PSG5: variants seen among roughly 807,000 people sequenced by gnomAD.
The protein encoded by PSG5 is pregnancy-specific beta-1-glycoprotein 5.
Under a neutral mutation model 37.7 loss-of-function variants are expected in PSG5, and 53 were observed. The ratio of observed to expected loss-of-function variants is 1.41; its 90% CI spans 1.13 to 1.77. The LOEUF (loss-of-function observed/expected upper bound fraction) is 1.77, where lower values mean the gene tolerates loss of function less well. Among genes scored for constraint, PSG5 ranks in the 40% most tolerant of loss-of-function variants. The pLI is 0.00. For missense variants in PSG5, 547 were observed against 405.2 expected, an observed-to-expected ratio of 1.35 and a Z score of -3.00; for synonymous variants, 221 against 155.4, an observed-to-expected ratio of 1.42 and a Z score of -3.14.
Position 43,183,167 on chromosome 19 carries a change from G to A in PSG5, c.430+1615C>T, listed in dbSNP as rs554771129. ...AGACACTGACTTCAGAGACCCCAGG[G>A]ACCAGCTGCCCCCAGTTCCACAGTC... On this transcript the variant is annotated intron_variant, in intron 2 of 5. Transcript: ENST00000342951. 5.0e-4 allele frequency: 134 copies of A among 267,390 alleles called. 2 individuals are homozygous for A. Among genetic ancestry groups the A allele is most frequent in the African/African-American group, 3.1e-3 (130 of 42,614 alleles). The allele number at this position is 267,390 out of a possible 1,614,324, so 16.6% of individuals were successfully genotyped here.
At chr19:43,171,905 A>G (rs1046153174) in intron 4 of PSG5, among the ~76,000 whole-genome samples, 6 of 150,594 alleles carry the variant, frequency 4.0e-5, no homozygotes, top group Non-Finnish European at 5.9e-5. Context: ...CCAGGAGGTT[A>G]AGGCTGCAGT....
Position 43,176,907 on chromosome 19 carries a change from C to A in PSG5, c.431-759G>T, listed in dbSNP as rs548566885. Among the ~76,000 whole-genome samples, 192 of 151,478 alleles carry A rather than the reference C, an allele frequency of 1.3e-3. 7 individuals carry two copies. The highest frequency in any genetic ancestry group is 4.4e-3 in the African/African-American group (183 of 41,124). On this transcript the variant is annotated intron_variant, in intron 2 of 5. Coordinates refer to ENST00000342951, the MANE Select transcript of PSG5 (RefSeq NM_002781.4). ...TGGGTTCTTTAAGTTTCCTCTCCTTCTGCAGAGGGCAGGTGAGGACCATGT... is the reference window on the plus strand; with the variant it reads ...TGGGTTCTTTAAGTTTCCTCTCCTTATGCAGAGGGCAGGTGAGGACCATGT...
chr19:43,182,205 C>A (rs1390474694), intron 2 of PSG5, among the ~76,000 whole-genome samples: 3 of 151,694 alleles, frequency 2.0e-5, no homozygotes, highest in Non-Finnish European at 4.4e-5. Context: ...TGGCCTTTGT[C>A]AAACTAGTGA....
At chr19:43,176,246 A>G in intron 2 of PSG5, 98 bp from the exon 3 acceptor site, 1 of 1,545,722 alleles carries the variant, frequency 6.5e-7, no homozygotes, top group African/African-American at 1.4e-5. Flanking sequence ...CTGTCAACCC[A>G]CCAGAGTCCT....
chr19:43,173,205 C>T lies in PSG5; in HGVS notation c.964+2010G>A, dbSNP rs8104869. Among the ~76,000 whole-genome samples, 610 of 151,694 alleles carry T rather than the reference C, an allele frequency of 4.0e-3. 14 individuals are homozygous for T. Among genetic ancestry groups the T allele is most frequent in the African/African-American group, 0.014 (589 of 41,264 alleles). On this transcript the variant is annotated intron_variant, in intron 4 of 5. Coordinates refer to ENST00000342951, the MANE Select transcript of PSG5 (RefSeq NM_002781.4). ...AGTGGAACCTTTACCTAACACCATG[C>T]ATAAAAATTAACCCACAATAGATCA...
chr19:43,184,935 G>T lies in PSG5; in HGVS notation c.277C>A (p.Pro93Thr). 2 of 1,612,472 alleles carry T rather than the reference G, an allele frequency of 1.2e-6. No individual in the cohort carries two copies. The highest frequency in any genetic ancestry group is 1.7e-6 in the Non-Finnish European group (2 of 1,179,130). ...ACTGTTTCTCGTCCAGTGTATGCAG[G>T]CCCATATATATTTATTTGACCGTCT... ...VVDGQINIYG[P>T]AYTGRETVYS... Residue 93 changes from proline (P) to threonine (T), a missense_variant, in exon 2 of 6, where the codon CCT becomes ACT. Transcript: ENST00000342951.
intron 3 of PSG5, 178 bp from the exon 4 acceptor site, chr19:43,175,647 C>G: frequency 7.2e-7 from 1 of 1,389,180 alleles, no homozygotes; most frequent in Non-Finnish European, 9.7e-7. Context: ...CCATCACAAG[C>G]TATTGACACA....
chr19:43,178,205 A>G lies in PSG5; in HGVS notation c.431-2057T>C, dbSNP rs1384062976. Among the ~76,000 whole-genome samples the G allele has an allele frequency of 5.9e-5, 9 of 151,714 alleles. No homozygotes were observed. In the East Asian group the frequency reaches 9.7e-4, roughly 16 times the overall value. On this transcript the variant is annotated intron_variant, in intron 2 of 5. Coordinates refer to ENST00000342951, the MANE Select transcript of PSG5 (RefSeq NM_002781.4). The stretch of plus-strand genomic sequence containing the variant: ...GACTTCACTGGAAAACATATTGCCA[A>G]TGCTCCAGGGATCCACTTACCAGGG...
chr19:43,179,694 T>A (rs1002312697), intron 2 of PSG5, among the ~76,000 whole-genome samples: 9 of 151,270 alleles, frequency 5.9e-5, no homozygotes, highest in African/African-American at 2.2e-4. Flanking sequence ...GAGACCAGAG[T>A]CAAGCCTGGA....
rs558094693 is a variant in PSG5 at position 43,171,888 on chromosome 19, C to T, written c.965-1750G>A. On this transcript the variant is annotated intron_variant, in intron 4 of 5. Coordinates refer to ENST00000342951, the MANE Select transcript of PSG5 (RefSeq NM_002781.4). Reference sequence around the variant, plus strand: ...TTGGGAGGCTGAAGAAGGAGAATTGCTTGAGCCCAGGAGGTTAAGGCTGCA... The same window carrying T: ...TTGGGAGGCTGAAGAAGGAGAATTGTTTGAGCCCAGGAGGTTAAGGCTGCA... Among the ~76,000 whole-genome samples, 7 of 149,794 alleles carry T rather than the reference C, an allele frequency of 4.7e-5. No individual in the cohort carries two copies. In the South Asian group the frequency reaches 8.4e-4, roughly 18 times the overall value.
chr19:43,179,206 C>T (rs765560614), intron 2 of PSG5: 10 of 1,524,844 alleles, frequency 6.6e-6, no homozygotes, highest in Non-Finnish European at 8.1e-6. Flanking sequence ...CCTTTGATTC[C>T]TCCAAAGGCA....
rs181565926 is a variant in PSG5 at position 43,182,596 on chromosome 19, C to T, written c.430+2186G>A. ...GAAACTATCCTTGAAAATCTCTAAC[C>T]CCTGATCCACTGGGGAGGCTGATTT... is the stretch of plus-strand genomic sequence containing the variant. On this transcript the variant is annotated intron_variant, in intron 2 of 5. Coordinates refer to ENST00000342951, the MANE Select transcript of PSG5 (RefSeq NM_002781.4). Among the ~76,000 whole-genome samples, 240 of 150,744 alleles carry T rather than the reference C, an allele frequency of 1.6e-3. 5 individuals carry two copies. Among genetic ancestry groups the T allele is most frequent in the African/African-American group, 5.5e-3 (226 of 40,810 alleles).
intron 4 of PSG5, chr19:43,170,544 C>G (rs1213529275): frequency 2.4e-6 from 1 of 417,568 alleles, no homozygotes; most frequent in Non-Finnish European, 4.7e-6. Flanking sequence ...ACAGAAGGCC[C>G]ACGTCCGTGC....
chr19:43,171,568 T>C (rs1968905771), intron 4 of PSG5: 3 of 421,228 alleles, frequency 7.1e-6, no homozygotes, highest in African/African-American at 2.1e-5. Context: ...ATAGAGGAAA[T>C]TAATGAAACC....
At chr19:43,174,736 G>C (rs1382541214) in intron 4 of PSG5, 1 of 1,082,542 alleles carries the variant, frequency 9.2e-7, no homozygotes, top group African/African-American at 1.6e-5. Flanking sequence ...GCATGGAGCA[G>C]AGCAGGAAGC....
intron 2 of PSG5, 93 bp from the exon 3 acceptor site, chr19:43,176,241 A>G (rs1180599947): frequency 1.1e-5 from 17 of 1,556,158 alleles, no homozygotes; most frequent in Non-Finnish European, 1.5e-5. Context: ...CCCACCTGTC[A>G]ACCCACCAGA....
Position 43,175,934 on chromosome 19 carries a change from A to C in PSG5, c.645T>G (p.Tyr215Ter). Residue 215 changes from tyrosine to a stop codon, truncating the protein, a stop_gained, in exon 3 of 6, where the codon TAT (tyrosine) becomes TAG (stop). Coordinates refer to ENST00000342951, the MANE Select transcript of PSG5 (RefSeq NM_002781.4). LOFTEE classifies it high-confidence loss of function. ...PSVTRNETGP[Y>*]ECEIRDRDGG... ...CATCTCGGTCCCGTATTTCACATTC[A>C]TAGGGTCCTGTTTCATTTCTCGTGA... 2.5e-6 allele frequency: 4 copies of C among 1,612,474 alleles called. No homozygotes were observed. The highest frequency in any genetic ancestry group is 3.4e-6 in the Non-Finnish European group (4 of 1,179,168).
Position 43,167,952 on chromosome 19 carries a change from A to G in PSG5, c.*292T>C. On this transcript the variant is annotated 3_prime_UTR_variant, in exon 6 of 6. Transcript: ENST00000342951. ...GCACATTTTCAAATAGAAAATTATG[A>G]AAACATTATGCTTTTGATTATTTAG... 1 of 396,518 alleles carries G rather than the reference A, an allele frequency of 2.5e-6. No individual in the cohort carries two copies. Among genetic ancestry groups the G allele is most frequent in the Non-Finnish European group, 4.6e-6 (1 of 215,112 alleles). The allele number at this position is 396,518 out of a possible 1,614,324, so 24.6% of individuals were successfully genotyped here. A position where few individuals can be genotyped will look rare whatever the true frequency, so the allele number is the denominator to read the frequency against.
At position 43,175,440 on chromosome 19, in the gene PSG5, A is replaced by G; in HGVS notation, c.739T>C (p.Ser247Pro). The G allele has an allele frequency of 6.2e-7, 1 of 1,612,192 alleles. No homozygotes were observed. The highest frequency in any genetic ancestry group is 8.5e-7 in the Non-Finnish European group (1 of 1,178,894). The change falls in exon 4 of 6, where the codon TCA becomes CCA. Residue 247 changes from serine to proline, a missense_variant. Physicochemically the swap from Ser to Pro is moderately conservative, Grantham distance 74. Coordinates refer to ENST00000342951, the MANE Select transcript of PSG5 (RefSeq NM_002781.4). ...YGPDLPSIYP[S>P]FTYYRSGENL... ...TCTCCTGAACGGTAATAGGTGAATG[A>G]AGGGTAAATGCTGGGGAGGTCTGGA... is the stretch of plus-strand genomic sequence containing the variant.
Sources: allele counts gnomAD v4.1 joint callset (sites outside exome capture counted in the v4.1 genomes callset), GRCh38; gene constraint gnomAD v4.1.1; transcripts MANE v1.5; gene names NCBI Gene and HGNC (gene_info 2026-07-23, HGNC 2026-07-21).